Variants in RSU1 observed in about 807,000 individuals in gnomAD.
RSU1 encodes rsu-1.
A neutral mutation model predicts 31.1 loss-of-function variants in RSU1; 26 were observed. That is an observed-to-expected ratio of 0.84 (90% CI 0.61 to 1.16). The LOEUF is 1.16. Among genes scored for constraint, RSU1 ranks in the 50% most tolerant of loss-of-function variants. The pLI is 0.00. For synonymous variants in RSU1, 164 were observed against 136.3 expected, an observed-to-expected ratio of 1.20 and a Z score of -1.41; for missense variants, 320 against 339.1, an observed-to-expected ratio of 0.94 and a Z score of 0.44.
intron 7 of RSU1, among the ~76,000 whole-genome samples, chr10:16,728,432 T>C (rs1011061075): frequency 3.3e-5 from 5 of 152,022 alleles, no homozygotes; most frequent in Non-Finnish European, 7.4e-5. Flanking sequence ...GGAATCAGGA[T>C]CAGGAAGTGA....
intron 4 of RSU1, among the ~76,000 whole-genome samples, chr10:16,759,897 G>A (rs935812812): frequency 2.2e-5 from 3 of 137,050 alleles, no homozygotes; most frequent in African/African-American, 8.5e-5. Flanking sequence ...CATACAAGTG[G>A]CTTCCCATCT....
At chr10:16,615,555 C>T (rs1833961847) in intron 8 of RSU1, among the ~76,000 whole-genome samples, 1 of 151,926 alleles carries the variant, frequency 6.6e-6, no homozygotes, top group Non-Finnish European at 1.5e-5. Context: ...CTACAGAACT[C>T]TTCACTCCAA....
intron 8 of RSU1, among the ~76,000 whole-genome samples, chr10:16,645,805 A>G (rs967606791): frequency 6.8e-6 from 1 of 147,780 alleles, no homozygotes; most frequent in Non-Finnish European, 1.5e-5. Flanking sequence ...AGACTCTGTC[A>G]CAAAAAAAAC....
In RSU1 at chr10:16,773,819, G is replaced by C. The variant is rs1366662281; in HGVS notation, c.160+8215C>G. 3.3e-5 allele frequency among the ~76,000 whole-genome samples: 5 copies of C among 152,104 alleles called. No homozygotes were observed. In the East Asian group the frequency reaches 7.7e-4, roughly 23 times the overall value. ...AGGAGGGCTTCACAGAGAAAGATGA[G>C]CATTCATCTCAACTTTCTGAAGGAT... On this transcript the variant is annotated intron_variant, in intron 3 of 8. Transcript: ENST00000345264.
intron 7 of RSU1, among the ~76,000 whole-genome samples, chr10:16,731,705 A>G (rs1002939255): frequency 6.6e-6 from 1 of 152,232 alleles, no homozygotes; most frequent in South Asian, 2.1e-4. Context: ...ATTCTAAAAA[A>G]TAGTAACTTG....
chr10:16,730,508 C>T (rs1251436906), intron 7 of RSU1, among the ~76,000 whole-genome samples: 1 of 152,126 alleles, frequency 6.6e-6, no homozygotes, highest in Non-Finnish European at 1.5e-5. Context: ...CTAGGGTACC[C>T]TATTAGCCAA....
intron 3 of RSU1, among the ~76,000 whole-genome samples, 161 bp from the exon 4 acceptor site, chr10:16,764,671 T>A (rs368345548): frequency 5.7e-4 from 87 of 152,318 alleles, no homozygotes; most frequent in African/African-American, 1.9e-3. Flanking sequence ...AGGTTTTTCA[T>A]AAGCAGTCAC....
intron 7 of RSU1, among the ~76,000 whole-genome samples, chr10:16,705,608 C>T (rs1256777098): frequency 6.6e-6 from 1 of 152,114 alleles, no homozygotes; most frequent in Non-Finnish European, 1.5e-5. Context: ...CCTGCCTCAG[C>T]CTCCTAAGTA....
At chr10:16,659,640 G>A (rs910092133) in intron 8 of RSU1, among the ~76,000 whole-genome samples, 11 of 152,064 alleles carry the variant, frequency 7.2e-5, no homozygotes, top group African/African-American at 1.9e-4. Flanking sequence ...GGCTGTCTTC[G>A]TTATTATAGC....
chr10:16,680,162 G>A (rs1364975865), intron 8 of RSU1, among the ~76,000 whole-genome samples: 1 of 152,018 alleles, frequency 6.6e-6, no homozygotes, highest in African/African-American at 2.4e-5. Context: ...GATTACAGGT[G>A]TGAGACATCG....
chr10:16,726,549 G>A (rs2131595893), intron 7 of RSU1, among the ~76,000 whole-genome samples: 1 of 152,276 alleles, frequency 6.6e-6, no homozygotes, highest in East Asian at 1.9e-4. Context: ...ACAGGCGTGA[G>A]CCACTGCGCC....
intron 8 of RSU1, among the ~76,000 whole-genome samples, chr10:16,678,744 C>T (rs539937928): frequency 1.3e-5 from 2 of 152,006 alleles, no homozygotes; most frequent in African/African-American, 2.4e-5. Flanking sequence ...AGAGGATGTG[C>T]CCACTCCTCC....
chr10:16,609,913 T>C (rs1833865799), intron 8 of RSU1, among the ~76,000 whole-genome samples: 4 of 152,224 alleles, frequency 2.6e-5, no homozygotes, highest in Admixed American at 2.6e-4. Flanking sequence ...CACATATCTC[T>C]GCAGAATAGC....
chr10:16,613,324 C>T (rs1240407500), intron 8 of RSU1, among the ~76,000 whole-genome samples: 1 of 152,212 alleles, frequency 6.6e-6, no homozygotes, highest in South Asian at 2.1e-4. Context: ...TGTAAGCAGG[C>T]TGTGAGTCTC....
In RSU1 at chr10:16,783,364, C is replaced by CT. The variant is rs57270890; in HGVS notation, c.110-1281dup. Reference sequence around the variant, plus strand: ...TCACTTCTACTGACCACAACTTTTGCTTTTTTTTTTGAGACTGAGTCTCAC... The same window carrying CT: ...TCACTTCTACTGACCACAACTTTTGCTTTTTTTTTTTGAGACTGAGTCTCAC... On this transcript the variant is annotated intron_variant, in intron 2 of 8. Coordinates refer to ENST00000345264, the MANE Select transcript of RSU1 (RefSeq NM_012425.4). Among the ~76,000 whole-genome samples the CT allele has an allele frequency of 4.4e-4, 58 of 132,048 alleles. 1 individual carries two copies. Among genetic ancestry groups the CT allele is most frequent in the South Asian group, 2.8e-3 (12 of 4,338 alleles). 86.6% of individuals were successfully genotyped at this position (132,048 alleles called of 152,430 possible).
chr10:16,784,815 T>A (rs542353140), intron 2 of RSU1, among the ~76,000 whole-genome samples: 1 of 152,276 alleles, frequency 6.6e-6, no homozygotes, highest in Non-Finnish European at 1.5e-5. Context: ...TACAGTTACC[T>A]ACCAGGTCCG....
At chr10:16,672,332 C>T (rs371413011) in intron 8 of RSU1, among the ~76,000 whole-genome samples, 4 of 151,984 alleles carry the variant, frequency 2.6e-5, no homozygotes, top group African/African-American at 7.2e-5. Flanking sequence ...AAATCCATAC[C>T]TGCCATATGA....
At chr10:16,693,443 G>A (rs544978248) in intron 8 of RSU1, among the ~76,000 whole-genome samples, 11 of 151,938 alleles carry the variant, frequency 7.2e-5, no homozygotes, top group Admixed American at 2.6e-4. Context: ...CAGATTCACA[G>A]GGTTTTCTTG....
intron 2 of RSU1, among the ~76,000 whole-genome samples, chr10:16,811,301 C>G (rs1838403164): frequency 6.6e-6 from 1 of 152,072 alleles, no homozygotes; most frequent in South Asian, 2.1e-4. Context: ...ATGACAAAAT[C>G]TTATTATGCA....
Sources: allele counts gnomAD v4.1 joint callset (sites outside exome capture counted in the v4.1 genomes callset), GRCh38; gene constraint gnomAD v4.1.1; transcripts MANE v1.5; gene names NCBI Gene and HGNC (gene_info 2026-07-23, HGNC 2026-07-21).